The following PDE8B variants were observed in gnomAD, a reference collection of about 807,000 sequenced individuals.
The protein encoded by PDE8B is high affinity cAMP-specific and IBMX-insensitive 3',5'-cyclic phosphodiesterase 8B.
A neutral mutation model predicts 101.3 loss-of-function variants in PDE8B; 26 were observed. That is an observed-to-expected ratio of 0.26 (90% CI 0.19 to 0.36). PDE8B has a LOEUF of 0.36. Among genes scored for constraint, PDE8B ranks in the 10% least tolerant of loss-of-function variants. The pLI, the probability that PDE8B is intolerant of heterozygous loss-of-function variation, is 1.00. For synonymous variants in PDE8B, 424 were observed against 429.3 expected, an observed-to-expected ratio of 0.99 and a Z score of 0.15; for missense variants, 810 against 1,163.1, an observed-to-expected ratio of 0.70 and a Z score of 4.42.
chr5:77,110,318 C>CT, the PDE8B span, among the ~76,000 whole-genome samples: 1 of 151,880 alleles, frequency 6.6e-6, no homozygotes, highest in African/African-American at 2.4e-5. Context: ...GGAGATGTCA[C>CT]TTTAAGTTGC....
chr5:77,410,893 A>C (rs1038865104), intron 14 of PDE8B: 5 of 152,178 alleles, frequency 3.3e-5, no homozygotes, highest in Non-Finnish European at 4.4e-5. Context: ...CACAACGTGC[A>C]GGTTTGTTAC....
At chr5:77,141,225 C>G in the PDE8B span, 1 of 152,050 alleles carries the variant, frequency 6.6e-6, no homozygotes, top group Non-Finnish European at 1.5e-5. Context: ...TACCTTGAAC[C>G]TTTACCAAAT....
At chr5:77,423,632 GTT>G (rs71594634) in intron 20 of PDE8B, among the ~76,000 whole-genome samples, 24,826 of 74,440 alleles carry the variant, frequency 0.33, 3,745 homozygotes, top group East Asian at 0.49. Flanking sequence ...GTTTTGTTTA[GTT>G]TTTTTTTTTT....
the PDE8B span, among the ~76,000 whole-genome samples, chr5:77,117,436 G>A: frequency 1.3e-5 from 2 of 152,176 alleles, no homozygotes; most frequent in Non-Finnish European, 2.9e-5. Context: ...CCTGGTACTT[G>A]GATAGGACTC....
chr5:77,249,173 C>T (rs919768781), intron 1 of PDE8B, among the ~76,000 whole-genome samples: 3 of 152,218 alleles, frequency 2.0e-5, no homozygotes, highest in African/African-American at 7.2e-5. Context: ...CAGAATTCTT[C>T]AAATGATGCC....
chr5:77,200,235 T>G, the PDE8B span, among the ~76,000 whole-genome samples: 1 of 152,090 alleles, frequency 6.6e-6, no homozygotes, highest in Non-Finnish European at 1.5e-5. Flanking sequence ...AGTTTTAAGT[T>G]GTAGAAGAAG....
the PDE8B span, among the ~76,000 whole-genome samples, chr5:77,182,290 G>A: frequency 6.6e-6 from 1 of 151,720 alleles, no homozygotes; most frequent in Non-Finnish European, 1.5e-5. Flanking sequence ...TACTAGATCA[G>A]TGGGTGAATT....
At chr5:77,180,513 C>G in the PDE8B span, 1 of 984,274 alleles carries the variant, frequency 1.0e-6, no homozygotes, top group Non-Finnish European at 1.2e-6. Context: ...GGGGACCGCG[C>G]AGCCCTCGGC....
chr5:77,378,989 A>G (rs1376037135), intron 10 of PDE8B, among the ~76,000 whole-genome samples: 1 of 145,334 alleles, frequency 6.9e-6, no homozygotes, highest in African/African-American at 2.4e-5. Flanking sequence ...AGACAAGAGA[A>G]AAAAGATAAA....
At chr5:77,300,238 G>C (rs558784826) in intron 1 of PDE8B, among the ~76,000 whole-genome samples, 1 of 152,338 alleles carries the variant, frequency 6.6e-6, no homozygotes, top group South Asian at 2.1e-4. Context: ...ACGTTACTCA[G>C]CCTGTTCTGT....
the PDE8B span, among the ~76,000 whole-genome samples, chr5:77,170,593 T>C: frequency 1.3e-5 from 2 of 152,238 alleles, no homozygotes; most frequent in Admixed American, 6.5e-5. Flanking sequence ...CTTGTTATTG[T>C]TTTAAGCTCT....
chr5:77,357,844 G>A (rs1044169091), intron 10 of PDE8B, among the ~76,000 whole-genome samples: 6 of 152,146 alleles, frequency 3.9e-5, no homozygotes, highest in South Asian at 2.1e-4. Context: ...GTCACCTTCT[G>A]TAGGCCTCCA....
chr5:77,241,840 G>A (rs901211474), intron 1 of PDE8B, among the ~76,000 whole-genome samples: 14 of 152,244 alleles, frequency 9.2e-5, no homozygotes, highest in Middle Eastern at 3.4e-3. Context: ...AAGTTTTAAA[G>A]TTATCATTTT....
intron 14 of PDE8B, 74 bp from the exon 15 acceptor site, chr5:77,411,602 A>C (rs1794569750): frequency 1.6e-6 from 2 of 1,232,160 alleles, no homozygotes; most frequent in African/African-American, 1.5e-5. Context: ...AATCTCTTTC[A>C]CTAATAATAA....
chr5:77,209,972 C>T (rs999282625), upstream of PDE8B, among the ~76,000 whole-genome samples: 19 of 152,174 alleles, frequency 1.2e-4, no homozygotes, highest in Admixed American at 1.1e-3. Flanking sequence ...GGTCACCATC[C>T]AACTCAGCCT....
At chr5:77,192,199 A>G in the PDE8B span, among the ~76,000 whole-genome samples, 272 of 152,284 alleles carry the variant, frequency 1.8e-3, 1 homozygote, top group African/African-American at 6.3e-3. Context: ...GGGGACTCCT[A>G]TTTTAAAGTG....
chr5:77,212,537 A>G (rs1341862892), intron 1 of PDE8B, among the ~76,000 whole-genome samples: 1 of 152,182 alleles, frequency 6.6e-6, no homozygotes, highest in African/African-American at 2.4e-5. Context: ...AGTAATCATA[A>G]TCACCATTAT....
intron 1 of PDE8B, among the ~76,000 whole-genome samples, chr5:77,217,196 C>G (rs578014511): frequency 3.3e-5 from 5 of 152,178 alleles, no homozygotes; most frequent in Admixed American, 2.0e-4. Context: ...TGTCCCCTGC[C>G]TGCTGTCCTT....
At chr5:77,165,996 A>T in the PDE8B span, among the ~76,000 whole-genome samples, 1 of 132,600 alleles carries the variant, frequency 7.5e-6, no homozygotes, top group Admixed American at 7.3e-5. Flanking sequence ...AAAAAAGAAA[A>T]AGAAAAAAAA....
Sources: allele counts gnomAD v4.1 joint callset (sites outside exome capture counted in the v4.1 genomes callset), GRCh38; gene constraint gnomAD v4.1.1; transcripts MANE v1.5; gene names NCBI Gene and HGNC (gene_info 2026-07-23, HGNC 2026-07-21).